The following CLDN14 variants were observed in gnomAD, a reference collection of about 807,000 sequenced individuals.
CLDN14 encodes the protein claudin-14.
In CLDN14, 2 loss-of-function variants were observed where a neutral mutation model predicts 2.1. That is an observed-to-expected ratio of 0.96 (90% CI 0.39 to 3.01). The LOEUF is 3.01. Among genes scored for constraint, CLDN14 ranks in the 30% most tolerant of loss-of-function variants. The probability of loss-of-function intolerance (pLI) is 0.09; values close to 1 mark genes in which losing one functional copy is unlikely to be tolerated. For synonymous variants in CLDN14, 136 were observed against 154.4 expected (o/e 0.88, Z 0.88); for missense variants, 298 against 328.0 (o/e 0.91, Z 0.71).
chr21:36,510,080 A>G (rs555284938), intron 2 of CLDN14, among the ~76,000 whole-genome samples: 45 of 152,326 alleles, frequency 3.0e-4, no homozygotes, highest in African/African-American at 1.0e-3. Context: ...AGTTATGTCC[A>G]GGGCTCAGTT....
intron 2 of CLDN14, among the ~76,000 whole-genome samples, chr21:36,492,533 G>A (rs560227457): frequency 1.7e-3 from 256 of 152,180 alleles, no homozygotes; most frequent in African/African-American, 5.9e-3. Flanking sequence ...GGAGGCTGAG[G>A]TGGGAGGATC....
chr21:36,493,496 G>C (rs1358353135), intron 2 of CLDN14, among the ~76,000 whole-genome samples: 3 of 152,064 alleles, frequency 2.0e-5, no homozygotes, highest in Admixed American at 6.6e-5. Flanking sequence ...AAAGACCTGG[G>C]CCTGCAGGTC....
intron 1 of CLDN14, among the ~76,000 whole-genome samples, chr21:36,539,179 G>A (rs898793143): frequency 6.6e-6 from 1 of 152,240 alleles, no homozygotes; most frequent in Non-Finnish European, 1.5e-5. Flanking sequence ...ACTTCTCTGT[G>A]CCAGGCTCTG....
intron 1 of CLDN14, among the ~76,000 whole-genome samples, chr21:36,464,918 G>A (rs2086626172): frequency 6.6e-6 from 1 of 152,204 alleles, no homozygotes; most frequent in African/African-American, 2.4e-5. Context: ...GTTAGTGTAA[G>A]GGCTGAGGGA....
intron 1 of CLDN14, among the ~76,000 whole-genome samples, chr21:36,558,998 A>G: frequency 6.6e-6 from 1 of 152,168 alleles, no homozygotes; most frequent in East Asian, 1.9e-4. Context: ...TACTGCTCTT[A>G]CAAGGACTTC....
chr21:36,500,436 T>G (rs1462988984), intron 2 of CLDN14, among the ~76,000 whole-genome samples: 1 of 152,176 alleles, frequency 6.6e-6, no homozygotes, highest in Admixed American at 6.6e-5. Context: ...TTTTTTAAAA[T>G]TTTATTTTAA....
At chr21:36,514,119 G>A (rs11088351) in intron 1 of CLDN14, among the ~76,000 whole-genome samples, 112,412 of 152,022 alleles carry the variant, frequency 0.74, 44,257 homozygotes, top group Non-Finnish European at 0.91. Flanking sequence ...GCCTCCCAAA[G>A]TGCTGTGATT....
At chr21:36,475,875 C>A (rs896079481) in intron 1 of CLDN14, among the ~76,000 whole-genome samples, 1 of 152,102 alleles carries the variant, frequency 6.6e-6, no homozygotes, top group Non-Finnish European at 1.5e-5. Context: ...GGGTTTCACT[C>A]CGTCTAGGCT....
chr21:36,463,991 G>A (rs1359950048), intron 1 of CLDN14, among the ~76,000 whole-genome samples: 1 of 152,212 alleles, frequency 6.6e-6, no homozygotes, highest in Non-Finnish European at 1.5e-5. Flanking sequence ...CCAGGTGATA[G>A]GGTTTGGATT....
chr21:36,463,385 C>T (rs2146416337), intron 1 of CLDN14, among the ~76,000 whole-genome samples: 1 of 152,338 alleles, frequency 6.6e-6, no homozygotes, highest in East Asian at 1.9e-4. Flanking sequence ...AGCGGGTCTG[C>T]AGGGTGTTGC....
intron 2 of CLDN14, among the ~76,000 whole-genome samples, chr21:36,500,930 A>C (rs529820823): frequency 2.6e-4 from 40 of 152,392 alleles, no homozygotes; most frequent in African/African-American, 9.4e-4. Context: ...TCATCTGCAC[A>C]GAACTCTACG....
intron 1 of CLDN14, among the ~76,000 whole-genome samples, chr21:36,536,840 T>G (rs2146506360): frequency 6.6e-6 from 1 of 152,378 alleles, no homozygotes; most frequent in South Asian, 2.1e-4. Flanking sequence ...TTGAGGAAAT[T>G]GCCTATTGGC....
chr21:36,501,332 C>CTTTTTTTGTTTTTTTTTTT (rs2087089993), intron 2 of CLDN14, among the ~76,000 whole-genome samples: 1 of 48,390 alleles, frequency 2.1e-5, no homozygotes, highest in African/African-American at 5.7e-5. Flanking sequence ...CAATATCTCA[C>CTTTTTTTGTTTTTTTTTTT]TTTTTTTTTT....
chr21:36,492,873 T>C (rs561888003), intron 2 of CLDN14, among the ~76,000 whole-genome samples: 90 of 152,242 alleles, frequency 5.9e-4, no homozygotes, highest in Non-Finnish European at 1.2e-3. Flanking sequence ...GCAGGCACCT[T>C]GATTTTGGAT....
chr21:36,566,431 C>T (rs377239), intron 1 of CLDN14, among the ~76,000 whole-genome samples: 89,053 of 152,020 alleles, frequency 0.59, 27,164 homozygotes, highest in Middle Eastern at 0.7. Context: ...GAATGCAAAT[C>T]TCAGCATCAC....
In CLDN14 at chr21:36,477,270, C is replaced by T. The variant is rs114289814; in HGVS notation, c.-82+2225G>A. ...TGGGAACTGGACATTGGGATTTTCC[C>T]CCCTTAAAACAATGAGTGCATTGAG... On this transcript the variant is annotated intron_variant, in intron 1 of 1. Coordinates refer to ENST00000399135, the MANE Select transcript of CLDN14 (RefSeq NM_001146079.2). 545 of 152,286 alleles carry T rather than the reference C, an allele frequency of 3.6e-3. 8 individuals carry two copies. Among genetic ancestry groups the T allele is most frequent in the African/African-American group, 0.013 (531 of 41,552 alleles). 9.4% of individuals were successfully genotyped at this position (152,286 alleles called of 1,614,324 possible). A position where few individuals can be genotyped will look rare whatever the true frequency, so the allele number is the denominator to read the frequency against.
chr21:36,536,145 G>C (rs955057116), intron 1 of CLDN14, among the ~76,000 whole-genome samples: 1 of 152,246 alleles, frequency 6.6e-6, no homozygotes, highest in African/African-American at 2.4e-5. Context: ...GTCTGTCTGG[G>C]ACAGCCCCTG....
At chr21:36,464,331 G>C (rs903204360) in intron 1 of CLDN14, among the ~76,000 whole-genome samples, 3 of 152,204 alleles carry the variant, frequency 2.0e-5, no homozygotes, top group Non-Finnish European at 4.4e-5. Context: ...GTCTCAGGTA[G>C]TTCTTTGACT....
intron 1 of CLDN14, among the ~76,000 whole-genome samples, chr21:36,533,486 C>T (rs975701320): frequency 3.2e-4 from 49 of 152,268 alleles, no homozygotes; most frequent in African/African-American, 1.0e-3. Context: ...AAGTGGGGCG[C>T]GCCCATTCTC....
Sources: gnomAD v4.1 joint callset for allele counts (sites outside exome capture counted in the v4.1 genomes callset) on GRCh38, gnomAD v4.1.1 for gene constraint, MANE v1.5 for transcripts, NCBI Gene and HGNC (gene_info 2026-07-23, HGNC 2026-07-21) for gene names.